The following FSIP1 variants were observed in gnomAD, a reference collection of about 807,000 sequenced individuals.
FSIP1 encodes fibrous sheath interacting protein 1.
A neutral mutation model predicts 60.9 loss-of-function variants in FSIP1; 65 were observed. The ratio of observed to expected loss-of-function variants is 1.07; its 90% CI spans 0.87 to 1.31. The LOEUF (loss-of-function observed/expected upper bound fraction) is 1.31. FSIP1 is among the 40% of genes most tolerant of loss of function. The pLI is 0.00. For synonymous variants in FSIP1, 209 were observed against 221.2 expected (o/e 0.94, Z 0.49); for missense variants, 675 against 665.5 (o/e 1.01, Z -0.16).
At chr15:39,762,349 A>C (rs1429781915) in intron 5 of FSIP1, among the ~76,000 whole-genome samples, 1 of 152,166 alleles carries the variant, frequency 6.6e-6, no homozygotes, top group Non-Finnish European at 1.5e-5. Context: ...GCTTGTAGCT[A>C]CATCCCTCTA....
At position 39,740,937 on chromosome 15, in the gene FSIP1, C is replaced by T. The variant is rs561191567; in HGVS notation, c.655+868G>A. 1.4e-4 allele frequency among the ~76,000 whole-genome samples: 22 copies of T among 152,140 alleles called. No homozygotes were observed. The South Asian group carries it at 2.3e-3, about 16-fold the overall frequency. ...TATATAAGCTTATAGCTTATATAGG[C>T]AAATAAACCTATGCTTTATACCTGG... On this transcript the variant is annotated intron_variant, in intron 6 of 11. Transcript: ENST00000350221.
At chr15:39,644,317 T>C (rs753370291) in intron 10 of FSIP1, among the ~76,000 whole-genome samples, 5 of 152,148 alleles carry the variant, frequency 3.3e-5, no homozygotes, top group Non-Finnish European at 7.4e-5. Flanking sequence ...CAATTAGGCT[T>C]GAGCATTTAA....
intron 11 of FSIP1, among the ~76,000 whole-genome samples, chr15:39,613,064 G>GA (rs1277377219): frequency 1.3e-5 from 2 of 151,900 alleles, no homozygotes; most frequent in Non-Finnish European, 2.9e-5. Context: ...TACACAACTA[G>GA]AAAAAAGATG....
At chr15:39,629,558 C>G (rs2412416) in intron 10 of FSIP1, among the ~76,000 whole-genome samples, 27,561 of 152,098 alleles carry the variant, frequency 0.18, 3,044 homozygotes, top group East Asian at 0.32. Context: ...GCCCCTCAGC[C>G]CTCTCTGCCT....
intron 1 of FSIP1, among the ~76,000 whole-genome samples, chr15:39,776,800 G>T (rs1271243061): frequency 2.0e-5 from 3 of 152,114 alleles, no homozygotes; most frequent in Non-Finnish European, 2.9e-5. Flanking sequence ...TGCCATCTTG[G>T]TTGCTTCCTG....
chr15:39,661,455 A>G (rs1008837650), intron 10 of FSIP1, among the ~76,000 whole-genome samples: 6 of 152,208 alleles, frequency 3.9e-5, no homozygotes, highest in African/African-American at 1.2e-4. Flanking sequence ...TATTACTTGG[A>G]TCATTTTTTA....
chr15:39,668,226 C>T (rs1409156667), intron 10 of FSIP1, among the ~76,000 whole-genome samples: 1 of 151,792 alleles, frequency 6.6e-6, no homozygotes, highest in Non-Finnish European at 1.5e-5. Context: ...AAAACCTGGC[C>T]CGTAATAAGC....
At chr15:39,782,490 C>G (rs1163441588) in intron 1 of FSIP1, 138 bp downstream of exon 1, 1 of 152,106 alleles carries the variant, frequency 6.6e-6, no homozygotes, top group African/African-American at 2.4e-5. Context: ...TGAGCCCGCC[C>G]CCGCCCTCTC....
At chr15:39,719,070 T>C (rs992176234) in intron 9 of FSIP1, among the ~76,000 whole-genome samples, 2 of 152,166 alleles carry the variant, frequency 1.3e-5, no homozygotes, top group African/African-American at 4.8e-5. Context: ...CATAACCATA[T>C]AGTTCAAATA....
At chr15:39,705,746 C>T (rs1895237617) in intron 10 of FSIP1, among the ~76,000 whole-genome samples, 1 of 151,872 alleles carries the variant, frequency 6.6e-6, no homozygotes, top group Admixed American at 6.6e-5. Context: ...ACCTGTAATC[C>T]CAGCACTTTG....
chr15:39,738,952 A>G (rs1005773097), intron 7 of FSIP1, among the ~76,000 whole-genome samples: 5 of 152,214 alleles, frequency 3.3e-5, no homozygotes, highest in African/African-American at 1.2e-4. Flanking sequence ...CTCTCTTGTC[A>G]ATACTCCACA....
intron 10 of FSIP1, among the ~76,000 whole-genome samples, chr15:39,649,124 C>T (rs1315634974): frequency 6.6e-6 from 1 of 152,106 alleles, no homozygotes; most frequent in Non-Finnish European, 1.5e-5. Context: ...TTTCAGTCTT[C>T]TTTAAGAGGA....
chr15:39,669,886 G>A (rs1194650147), intron 10 of FSIP1, among the ~76,000 whole-genome samples: 2 of 152,150 alleles, frequency 1.3e-5, no homozygotes, highest in African/African-American at 4.8e-5. Flanking sequence ...GGGATATTAG[G>A]CCCACTGCCA....
chr15:39,652,612 T>C (rs1892916176), intron 10 of FSIP1, among the ~76,000 whole-genome samples: 1 of 152,226 alleles, frequency 6.6e-6, no homozygotes, highest in African/African-American at 2.4e-5. Context: ...CTACTGGATA[T>C]AATTTCAATA....
intron 10 of FSIP1, among the ~76,000 whole-genome samples, chr15:39,643,701 G>A (rs946465627): frequency 5.9e-5 from 9 of 152,192 alleles, no homozygotes; most frequent in African/African-American, 2.2e-4. Flanking sequence ...TAAAAAAACA[G>A]TAGGTGTTAC....
chr15:39,614,765 T>A (rs1251280647), intron 11 of FSIP1, among the ~76,000 whole-genome samples: 1 of 151,994 alleles, frequency 6.6e-6, no homozygotes, highest in Non-Finnish European at 1.5e-5. Flanking sequence ...AAAAATCCAA[T>A]GTCATTTTCA....
chr15:39,747,261 C>A (rs962909429), intron 5 of FSIP1: 1 of 152,150 alleles, frequency 6.6e-6, no homozygotes, highest in Non-Finnish European at 1.5e-5. Flanking sequence ...TTCTGCCTCT[C>A]CTCTAAAGTA....
chr15:39,631,753 GT>G (rs1891898883), intron 10 of FSIP1, among the ~76,000 whole-genome samples: 1 of 152,172 alleles, frequency 6.6e-6, no homozygotes, highest in South Asian at 2.1e-4. Context: ...TTGTGGTTAG[GT>G]TTAATTATAG....
chr15:39,770,628 A>C lies in FSIP1; in HGVS notation c.127-18T>G. 1.4e-6 allele frequency: 2 copies of C among 1,433,074 alleles called. No homozygotes were observed. Among genetic ancestry groups the C allele is most frequent in the Non-Finnish European group, 1.8e-6 (2 of 1,083,654 alleles). 88.8% of individuals were successfully genotyped at this position (1,433,074 alleles called of 1,614,324 possible). A position where few individuals can be genotyped will look rare whatever the true frequency, so the allele number is the denominator to read the frequency against. On this transcript the variant is annotated intron_variant, in intron 2 of 11. Transcript: ENST00000350221. The stretch of plus-strand genomic sequence containing the variant: ...GTATCGACCTAAAAATAATTTCAAA[A>C]AAAAAACAGTTTCCGAAAATACTGT...
Sources: allele counts gnomAD v4.1 joint callset (sites outside exome capture counted in the v4.1 genomes callset), GRCh38; gene constraint gnomAD v4.1.1; transcripts MANE v1.5; gene names NCBI Gene and HGNC (gene_info 2026-07-23, HGNC 2026-07-21).